Variants in ILRUN observed in about 807,000 individuals in gnomAD.
The protein encoded by ILRUN is protein ILRUN.
ILRUN carries 3 observed loss-of-function variants against 33.8 expected under a neutral mutation model. The ratio of observed to expected loss-of-function variants is 0.09; its 90% CI spans 0.04 to 0.23. The LOEUF (loss-of-function observed/expected upper bound fraction) is 0.23, where lower values mean the gene tolerates loss of function less well. ILRUN is among the 10% of genes least tolerant of loss of function. The pLI is 1.00. For synonymous variants in ILRUN, 124 were observed against 138.9 expected, an observed-to-expected ratio of 0.89 and a Z score of 0.75; for missense variants, 210 against 375.1, an observed-to-expected ratio of 0.56 and a Z score of 3.64.
chr6:34,676,444 AGATAGATAGATATAGCTAGCTAGCTAGC>A (rs1763233888), intron 1 of ILRUN, among the ~76,000 whole-genome samples: 1 of 151,146 alleles, frequency 6.6e-6, no homozygotes, highest in African/African-American at 2.5e-5. Context: ...CTAGCTAGCT[AGATAGATAGATATAGCTAGCTAGCTAGC>A]TAGCTAGATA....
In ILRUN at chr6:34,646,551, A is replaced by G. The variant is rs1762567560; in HGVS notation, c.511+50T>C. 6.3e-7 allele frequency: 1 copy of G among 1,576,294 alleles called. No homozygotes were observed. The highest frequency in any genetic ancestry group is 8.7e-7 in the Non-Finnish European group (1 of 1,150,280). On this transcript the variant is annotated intron_variant, in intron 3 of 4. Transcript: ENST00000374023. The surrounding 1 kb of genome is among the most constrained non-coding windows in gnomAD (Gnocchi z 4.9). The stretch of plus-strand genomic sequence containing the variant: ...CTGTGAGCAACACTGGGGATGTTAT[A>G]AGATGTTACCTTAGTTCCTTTACCC...
At chr6:34,652,708 C>A (rs961088793) in intron 2 of ILRUN, among the ~76,000 whole-genome samples, 3 of 152,154 alleles carry the variant, frequency 2.0e-5, no homozygotes, top group African/African-American at 7.2e-5. Context: ...CCCACAAACA[C>A]GTATTTTTAG....
At chr6:34,680,023 G>A (rs1763326765) in intron 1 of ILRUN, among the ~76,000 whole-genome samples, 1 of 152,252 alleles carries the variant, frequency 6.6e-6, no homozygotes, top group Admixed American at 6.5e-5. Flanking sequence ...GTTAATTTCT[G>A]TAGGTTTAAG....
chr6:34,616,467 A>G, intron 3 of ILRUN: 3 of 657,138 alleles, frequency 4.6e-6, no homozygotes, highest in South Asian at 3.7e-5. Context: ...AAAGGCTTGA[A>G]AGTGGACTGA....
intron 1 of ILRUN, among the ~76,000 whole-genome samples, chr6:34,673,862 G>GACAC (rs1763169394): frequency 8.3e-6 from 1 of 120,508 alleles, no homozygotes; most frequent in Non-Finnish European, 1.7e-5. Flanking sequence ...CACACACGCT[G>GACAC]GGTGACAGAG....
At chr6:34,627,372 G>A (rs1378013280) in intron 3 of ILRUN, among the ~76,000 whole-genome samples, 1 of 152,164 alleles carries the variant, frequency 6.6e-6, no homozygotes, top group African/African-American at 2.4e-5. Flanking sequence ...ACATCTGTGT[G>A]CAGGCTTTTG....
chr6:34,670,687 C>CT (rs1763098288), intron 1 of ILRUN, among the ~76,000 whole-genome samples: 1 of 150,558 alleles, frequency 6.6e-6, no homozygotes, highest in Non-Finnish European at 1.5e-5. Context: ...CCTGTCTCTA[C>CT]TAAAAAAAAA....
At chr6:34,673,699 C>T (rs1763164086) in intron 1 of ILRUN, among the ~76,000 whole-genome samples, 1 of 152,126 alleles carries the variant, frequency 6.6e-6, no homozygotes, top group Admixed American at 6.6e-5. Context: ...AGTGTGGTGG[C>T]ACATGCCTGT....
intron 3 of ILRUN, among the ~76,000 whole-genome samples, chr6:34,644,152 AAC>A (rs1237015918): frequency 3.3e-5 from 5 of 152,226 alleles, no homozygotes; most frequent in African/African-American, 4.8e-5. Context: ...TAACACTAAA[AAC>A]ACACACACAT....
At position 34,633,253 on chromosome 6, in the gene ILRUN, C is replaced by T. The variant is rs568654310; in HGVS notation, c.511+13348G>A. On this transcript the variant is annotated intron_variant, in intron 3 of 4. Coordinates refer to ENST00000374023, the MANE Select transcript of ILRUN (RefSeq NM_024294.4). ...TAATGCTAATATGTTATGTACCTAACAACAGAGCTTCAAAATACATGAATT... is the reference window on the plus strand; with the variant it reads ...TAATGCTAATATGTTATGTACCTAATAACAGAGCTTCAAAATACATGAATT... 5.8e-3 allele frequency among the ~76,000 whole-genome samples: 820 copies of T among 141,104 alleles called. 1 individual carries two copies. The highest frequency in any genetic ancestry group is 7.9e-3 in the Non-Finnish European group (508 of 64,346). 92.6% of individuals were successfully genotyped at this position (141,104 alleles called of 152,430 possible).
chr6:34,696,722 G>A lies in ILRUN; in HGVS notation c.-119C>T. 10 of 1,031,772 alleles carry A rather than the reference G, an allele frequency of 9.7e-6. No individual in the cohort carries two copies. The highest frequency in any genetic ancestry group is 4.2e-6 in the Non-Finnish European group (3 of 714,676). 63.9% of individuals were successfully genotyped at this position (1,031,772 alleles called of 1,614,324 possible). On this transcript the variant is annotated 5_prime_UTR_variant, in exon 1 of 5. Transcript: ENST00000374023. The stretch of plus-strand genomic sequence containing the variant: ...TAGCTTCGCGACCCCGCTCCTTTGA[G>A]GTAGGCCCCGGGCCTCTCACAGTCT...
chr6:34,678,116 C>T (rs1763277416), intron 1 of ILRUN, among the ~76,000 whole-genome samples: 1 of 152,100 alleles, frequency 6.6e-6, no homozygotes, highest in African/African-American at 2.4e-5. Flanking sequence ...AATCTCAGCT[C>T]ACTGCAACCT....
intron 4 of ILRUN, among the ~76,000 whole-genome samples, chr6:34,599,389 G>A (rs900253817): frequency 1.3e-5 from 2 of 152,196 alleles, no homozygotes; most frequent in South Asian, 4.1e-4. Flanking sequence ...AGGTTCACCA[G>A]TGGGGGAATT....
intron 1 of ILRUN, among the ~76,000 whole-genome samples, chr6:34,666,595 A>C (rs1486425699): frequency 6.6e-6 from 1 of 152,186 alleles, no homozygotes. Flanking sequence ...ACTTACAAAT[A>C]GGGGGCTAAA....
chr6:34,679,694 G>A (rs146359523), intron 1 of ILRUN, among the ~76,000 whole-genome samples: 2 of 152,178 alleles, frequency 1.3e-5, no homozygotes, highest in African/African-American at 4.8e-5. Flanking sequence ...ACCTCAGAAT[G>A]CAACCTTATT....
At chr6:34,633,493 C>T (rs528015573) in intron 3 of ILRUN, among the ~76,000 whole-genome samples, 5 of 152,156 alleles carry the variant, frequency 3.3e-5, no homozygotes, top group South Asian at 2.1e-4. Flanking sequence ...TTTTGAAGTA[C>T]GCATGGAATA....
chr6:34,597,903 A>G (rs1253315278), intron 4 of ILRUN, among the ~76,000 whole-genome samples: 1 of 152,112 alleles, frequency 6.6e-6, no homozygotes, highest in African/African-American at 2.4e-5. Context: ...CCTCCAATTC[A>G]GTTTGAATCC....
intron 4 of ILRUN, among the ~76,000 whole-genome samples, chr6:34,605,235 G>A (rs903956848): frequency 6.6e-6 from 1 of 151,056 alleles, no homozygotes; most frequent in African/African-American, 2.4e-5. Context: ...GAACCCGGGA[G>A]GCAGAGGTTG....
chr6:34,645,761 A>G (rs996117710), intron 3 of ILRUN, among the ~76,000 whole-genome samples: 2 of 152,218 alleles, frequency 1.3e-5, no homozygotes, highest in Non-Finnish European at 2.9e-5. Context: ...CCACAGCTAT[A>G]GATATTAATT....
Sources: gnomAD v4.1 joint callset for allele counts (sites outside exome capture counted in the v4.1 genomes callset) on GRCh38, gnomAD v4.1.1 for gene constraint, Gnocchi (gnomAD v3.1) non-coding constraint, MANE v1.5 for transcripts, NCBI Gene and HGNC (gene_info 2026-07-23, HGNC 2026-07-21) for gene names.